Variants in ASTN2 observed in about 807,000 individuals in gnomAD.
ASTN2 encodes astrotactin-2.
A neutral mutation model predicts 139.8 loss-of-function variants in ASTN2; 54 were observed. The observed-to-expected ratio is 0.39, with a 90% CI of 0.31 to 0.48. The LOEUF (loss-of-function observed/expected upper bound fraction) is 0.48, where lower values mean the gene tolerates loss of function less well. ASTN2 is among the 20% of genes least tolerant of loss of function. ASTN2 has a pLI of 0.95. For missense variants in ASTN2, 1,565 were observed against 1,725.1 expected (o/e 0.91, Z 1.64); for synonymous variants, 756 against 719.5 (o/e 1.05, Z -0.81).
chr9:116,881,434 T>C (rs1339625978), intron 10 of ASTN2, among the ~76,000 whole-genome samples: 2 of 152,224 alleles, frequency 1.3e-5, no homozygotes, highest in Non-Finnish European at 2.9e-5. Context: ...AGTTTTGCTT[T>C]GTATCTCACT....
At chr9:116,447,449 G>A (rs186628690) in intron 20 of ASTN2, among the ~76,000 whole-genome samples, 299 of 152,206 alleles carry the variant, frequency 2.0e-3, no homozygotes, top group Non-Finnish European at 3.5e-3. Flanking sequence ...AGCACACACA[G>A]GTCAGAATGA....
At chr9:117,071,968 C>T (rs955813577) in intron 5 of ASTN2, among the ~76,000 whole-genome samples, 5 of 152,214 alleles carry the variant, frequency 3.3e-5, no homozygotes, top group Non-Finnish European at 4.4e-5. Context: ...AATCACCCGT[C>T]TTCTGAGTCA....
At chr9:117,022,682 A>G (rs1181155832) in intron 6 of ASTN2, among the ~76,000 whole-genome samples, 1 of 152,118 alleles carries the variant, frequency 6.6e-6, no homozygotes, top group African/African-American at 2.4e-5. Flanking sequence ...TCATCCTTTG[A>G]AATTCCAAAT....
chr9:117,037,196 GAC>G (rs1245127571), intron 6 of ASTN2, among the ~76,000 whole-genome samples: 2 of 152,032 alleles, frequency 1.3e-5, no homozygotes, highest in Non-Finnish European at 2.9e-5. Context: ...GGCAGAAACA[GAC>G]AATTCCACAG....
chr9:116,648,005 C>CCT (rs1857691235), intron 17 of ASTN2, among the ~76,000 whole-genome samples: 2 of 141,014 alleles, frequency 1.4e-5, no homozygotes, highest in Non-Finnish European at 3.1e-5. Flanking sequence ...TTTTTCTTTT[C>CCT]TTTTTTTTTT....
intron 1 of ASTN2, among the ~76,000 whole-genome samples, chr9:117,359,855 A>G (rs1361162001): frequency 6.6e-6 from 1 of 152,142 alleles, no homozygotes; most frequent in African/African-American, 2.4e-5. Flanking sequence ...GTTTCCCTGA[A>G]AGTAGGGAAA....
At chr9:117,098,614 G>T (rs536035386) in intron 4 of ASTN2, among the ~76,000 whole-genome samples, 1 of 152,086 alleles carries the variant, frequency 6.6e-6, no homozygotes, top group Non-Finnish European at 1.5e-5. Flanking sequence ...GAGACATCAG[G>T]AGACTTCAGA....
intron 20 of ASTN2, among the ~76,000 whole-genome samples, chr9:116,454,358 G>C (rs1445292958): frequency 6.6e-6 from 1 of 151,798 alleles, no homozygotes; most frequent in East Asian, 1.9e-4. Context: ...ATTCCATATT[G>C]TACTGAAGGT....
chr9:116,964,396 T>C (rs529101241), intron 10 of ASTN2, among the ~76,000 whole-genome samples: 5 of 152,170 alleles, frequency 3.3e-5, no homozygotes, highest in Admixed American at 6.5e-5. Context: ...TTAGCTTATC[T>C]TGGTGATCAC....
chr9:116,902,580 G>A (rs1169681883), intron 10 of ASTN2, among the ~76,000 whole-genome samples: 1 of 151,468 alleles, frequency 6.6e-6, no homozygotes, highest in Non-Finnish European at 1.5e-5. Flanking sequence ...CACATAACTA[G>A]GTGTGCACTA....
At chr9:117,146,571 G>A (rs551223523) in intron 3 of ASTN2, among the ~76,000 whole-genome samples, 1 of 151,874 alleles carries the variant, frequency 6.6e-6, no homozygotes, top group Non-Finnish European at 1.5e-5. Context: ...GTGGGAAGAA[G>A]CAGAGAGGCA....
chr9:117,239,182 A>T (rs913911242), intron 2 of ASTN2, among the ~76,000 whole-genome samples: 2 of 152,180 alleles, frequency 1.3e-5, no homozygotes, highest in Non-Finnish European at 2.9e-5. Context: ...GGCTGACAGC[A>T]TCATCCCCTT....
chr9:116,608,876 T>A (rs1423018655), intron 19 of ASTN2, among the ~76,000 whole-genome samples: 1 of 151,922 alleles, frequency 6.6e-6, no homozygotes, highest in East Asian at 1.9e-4. Context: ...ATCCCATATG[T>A]AAAAAAAATT....
intron 5 of ASTN2, among the ~76,000 whole-genome samples, chr9:117,062,461 G>T (rs759106456): frequency 3.9e-5 from 6 of 152,194 alleles, no homozygotes; most frequent in Non-Finnish European, 8.8e-5. Context: ...TGGGCCCTGT[G>T]TAAGACCTAC....
chr9:117,025,808 T>G (rs1393781100), intron 6 of ASTN2, among the ~76,000 whole-genome samples: 1 of 151,820 alleles, frequency 6.6e-6, no homozygotes, highest in East Asian at 1.9e-4. Context: ...CTTTTTTTTT[T>G]TTTGACAGAG....
At chr9:117,180,046 A>G (rs1831017742) in intron 3 of ASTN2, among the ~76,000 whole-genome samples, 1 of 152,190 alleles carries the variant, frequency 6.6e-6, no homozygotes, top group Non-Finnish European at 1.5e-5. Flanking sequence ...AGGGAGGCCC[A>G]TTTCCAGATC....
intron 1 of ASTN2, among the ~76,000 whole-genome samples, chr9:117,382,017 T>A (rs1260195890): frequency 6.6e-6 from 1 of 152,128 alleles, no homozygotes; most frequent in Non-Finnish European, 1.5e-5. Flanking sequence ...GTGATAGCAC[T>A]TAAGTCTAGA....
At chr9:117,012,897 G>A (rs927201674) in intron 6 of ASTN2, among the ~76,000 whole-genome samples, 17 of 152,166 alleles carry the variant, frequency 1.1e-4, no homozygotes, top group Admixed American at 9.2e-4. Context: ...ATGGCTATGC[G>A]CCAAGCCCTG....
At chr9:116,932,912 A>G (rs1358327770) in intron 10 of ASTN2, among the ~76,000 whole-genome samples, 1 of 149,766 alleles carries the variant, frequency 6.7e-6, no homozygotes, top group Non-Finnish European at 1.5e-5. Context: ...AGGCTGAGGC[A>G]GGAGAATCAC....
Sources: gnomAD v4.1 joint callset for allele counts (sites outside exome capture counted in the v4.1 genomes callset) on GRCh38, gnomAD v4.1.1 for gene constraint, MANE v1.5 for transcripts, NCBI Gene and HGNC (gene_info 2026-07-23, HGNC 2026-07-21) for gene names.